Variants in BUB1B observed in about 807,000 individuals in gnomAD.
BUB1B encodes mitotic checkpoint serine/threonine-protein kinase BUB1 beta.
BUB1B carries 86 observed loss-of-function variants against 137.7 expected under a neutral mutation model. The ratio of observed to expected loss-of-function variants is 0.62; its 90% CI spans 0.52 to 0.75. BUB1B has a LOEUF of 0.75. BUB1B is among the 30% of genes least tolerant of loss of function. BUB1B has a pLI of 0.00. For missense variants in BUB1B, 1,130 were observed against 1,236.9 expected (o/e 0.91, Z 1.30); for synonymous variants, 420 against 417.9 (o/e 1.00, Z -0.06).
intron 20 of BUB1B, among the ~76,000 whole-genome samples, chr15:40,213,839 A>G (rs1044312939): frequency 6.6e-6 from 1 of 152,166 alleles, no homozygotes; most frequent in Non-Finnish European, 1.5e-5. Flanking sequence ...CACCCGGCCA[A>G]GTTGCCAATT....
At chr15:40,209,552 T>G in intron 16 of BUB1B, 83 bp from the exon 17 acceptor site, 1 of 1,533,102 alleles carries the variant, frequency 6.5e-7, no homozygotes, top group Non-Finnish European at 9.0e-7. Context: ...TGATTTTTTT[T>G]TTCTTCTACT....
intron 11 of BUB1B, 84 bp downstream of exon 11, chr15:40,200,443 C>T (rs2037552992): frequency 3.0e-6 from 3 of 992,682 alleles, no homozygotes; most frequent in Non-Finnish European, 4.7e-6. Context: ...TTGAAGTCTC[C>T]TTGACGTTTA....
chr15:40,214,813 A>T (rs2037754689), intron 20 of BUB1B, among the ~76,000 whole-genome samples: 1 of 152,142 alleles, frequency 6.6e-6, no homozygotes, highest in Non-Finnish European at 1.5e-5. Context: ...CAAGCAATGC[A>T]GGATGTTTTA....
chr15:40,176,613 T>C lies in BUB1B; in HGVS notation c.521T>C (p.Ile174Thr), dbSNP rs1173326479. The C allele has an allele frequency of 6.2e-7, 1 of 1,614,134 alleles. No homozygotes were observed. ...GAAAACTTTAGGAAAGCAGATGCGATATTTCAGGAAGGGATTCAACAGAAG... is the reference window on the plus strand; with the variant it reads ...GAAAACTTTAGGAAAGCAGATGCGACATTTCAGGAAGGGATTCAACAGAAG... ...ARENFRKADA[I>T]FQEGIQQKAE... is the part of the protein sequence containing the mutation. The change falls in exon 5 of 23, where the codon ATA becomes ACA. Residue 174 changes from isoleucine to threonine, a missense_variant. By Grantham distance (89) the Ile-to-Thr change is moderately conservative. Transcript: ENST00000287598.
At chr15:40,170,723 C>A in intron 4 of BUB1B, 42 bp downstream of exon 4, 1 of 1,597,472 alleles carries the variant, frequency 6.3e-7, no homozygotes, top group Non-Finnish European at 8.6e-7. Flanking sequence ...AAATATTAAA[C>A]TAAGAGATTT....
In BUB1B at chr15:40,209,705, T is replaced by C; in HGVS notation, c.2214T>C (p.Ser738=). Reference sequence around the variant, plus strand: ...TACTGAAGTCCCTACCAGAGTTAAGTGCCTCTGCAGAGTTGTGTATAGAAG... The same window carrying C: ...TACTGAAGTCCCTACCAGAGTTAAGCGCCTCTGCAGAGTTGTGTATAGAAG... The part of the protein sequence containing the change: ...RQLLKSLPEL[S]ASAELCIEDR... Residue 738 remains serine (S), a synonymous_variant, in exon 17 of 23, where the codon AGT becomes AGC. Transcript: ENST00000287598. 6.2e-7 allele frequency: 1 copy of C among 1,614,174 alleles called. No homozygotes were observed. The highest frequency in any genetic ancestry group is 1.1e-5 in the South Asian group (1 of 91,082).
In BUB1B at chr15:40,165,178, C is replaced by T. The variant is rs755690280; in HGVS notation, c.161C>T (p.Thr54Ile). The T allele has an allele frequency of 6.2e-7, 1 of 1,614,220 alleles. No homozygotes were observed. Among genetic ancestry groups the T allele is most frequent in the Non-Finnish European group, 8.5e-7 (1 of 1,180,046 alleles). Residue 54 changes from threonine to isoleucine, a missense_variant, in exon 2 of 23, where the codon ACT becomes ATT. Thr to Ile is a moderately conservative substitution (Grantham distance 89). Coordinates refer to ENST00000287598, the MANE Select transcript of BUB1B (RefSeq NM_001211.6). ...ALAQESACNN[T>I]LQQQKRAFEY... ...GCACAAGAATCTGCCTGTAACAATACTCTTCAGCAGCAGAAACGGTGTGTA... is the reference window on the plus strand; with the variant it reads ...GCACAAGAATCTGCCTGTAACAATATTCTTCAGCAGCAGAAACGGTGTGTA...
intron 8 of BUB1B, 40 bp from the exon 9 acceptor site, chr15:40,196,503 TTA>T: frequency 6.7e-7 from 1 of 1,499,888 alleles, no homozygotes; most frequent in African/African-American, 1.4e-5. Flanking sequence ...TTGATTTTTT[TTA>T]TTTTGACCCA....
chr15:40,172,651 G>A (rs1174146751), intron 4 of BUB1B, among the ~76,000 whole-genome samples: 2 of 150,236 alleles, frequency 1.3e-5, no homozygotes, highest in Non-Finnish European at 2.9e-5. Context: ...TGGCAGAGAT[G>A]GAAGAAAATC....
At chr15:40,176,432 A>C in intron 4 of BUB1B, 45 bp from the exon 5 acceptor site, 16 of 1,560,262 alleles carry the variant, frequency 1.0e-5, no homozygotes, top group Non-Finnish European at 1.4e-5. Context: ...ATAGGCATTC[A>C]ATACGTGAGT....
intron 16 of BUB1B, among the ~76,000 whole-genome samples, chr15:40,209,345 C>T (rs1418332122): frequency 2.0e-5 from 3 of 152,206 alleles, no homozygotes; most frequent in African/African-American, 7.2e-5. Flanking sequence ...GGCGTGAACC[C>T]GGGAGGCGGA....
In BUB1B at chr15:40,161,312, T is replaced by C. The variant is rs145690061; in HGVS notation, c.35+57T>C. The C allele has an allele frequency of 1.4e-4, 225 of 1,575,236 alleles. 1 individual carries two copies. In the East Asian group the frequency reaches 3.8e-3, roughly 27 times the overall value. On this transcript the variant is annotated intron_variant, in intron 1 of 22. Coordinates refer to ENST00000287598, the MANE Select transcript of BUB1B (RefSeq NM_001211.6). ...GCCTGAGAGGACACGGCCTGGTAGG[T>C]AATAGAAGGCTCCGCTCGGAGCAGT...
At chr15:40,205,365 G>T (rs184933279) in intron 14 of BUB1B, among the ~76,000 whole-genome samples, 10 of 152,054 alleles carry the variant, frequency 6.6e-5, no homozygotes, top group Admixed American at 6.5e-4. Flanking sequence ...TTAATCTCTG[G>T]TATCCATATG....
chr15:40,208,074 C>T (rs953325968), intron 15 of BUB1B, among the ~76,000 whole-genome samples: 6 of 150,656 alleles, frequency 4.0e-5, no homozygotes, highest in East Asian at 2.0e-4. Flanking sequence ...GAGCCATGAT[C>T]GCACCACTGC....
chr15:40,210,348 A>AT (rs1264604430), intron 18 of BUB1B, 138 bp downstream of exon 18: 48 of 749,660 alleles, frequency 6.4e-5, no homozygotes, highest in African/African-American at 7.1e-5. Flanking sequence ...TTTCAGTTTC[A>AT]TTTTTTTTAG....
At chr15:40,162,262 G>C (rs925857554) in intron 1 of BUB1B, among the ~76,000 whole-genome samples, 2 of 152,044 alleles carry the variant, frequency 1.3e-5, no homozygotes, top group Non-Finnish European at 2.9e-5. Flanking sequence ...GCATGTCCAA[G>C]GCCATTGTCA....
At chr15:40,208,993 G>C (rs563784479) in intron 16 of BUB1B, among the ~76,000 whole-genome samples, 59 of 152,126 alleles carry the variant, frequency 3.9e-4, no homozygotes, top group Non-Finnish European at 8.2e-4. Flanking sequence ...ATTTTTTGTA[G>C]AGGTGGGGTT....
At chr15:40,209,991 T>G (rs2037690680) in intron 17 of BUB1B, 119 bp from the exon 18 acceptor site, 1 of 996,244 alleles carries the variant, frequency 1.0e-6, no homozygotes, top group Admixed American at 2.1e-5. Flanking sequence ...TTAAAAGTAT[T>G]CTAGATACTA....
intron 2 of BUB1B, among the ~76,000 whole-genome samples, chr15:40,167,891 G>T (rs1431329799): frequency 6.6e-6 from 1 of 151,672 alleles, no homozygotes; most frequent in African/African-American, 2.4e-5. Context: ...TGATCAAATT[G>T]TCTGTCCTTT....
Sources: gnomAD v4.1 joint callset for allele counts (sites outside exome capture counted in the v4.1 genomes callset) on GRCh38, gnomAD v4.1.1 for gene constraint, MANE v1.5 for transcripts, NCBI Gene and HGNC (gene_info 2026-07-23, HGNC 2026-07-21) for gene names.